Variants in FAR2 observed in about 807,000 individuals in gnomAD.
FAR2 encodes epididymis secretory protein Li 81.
A neutral mutation model predicts 56.0 loss-of-function variants in FAR2; 19 were observed. That is an observed-to-expected ratio of 0.34 (90% confidence interval 0.24 to 0.50). The LOEUF (loss-of-function observed/expected upper bound fraction) is 0.50. FAR2 is among the 20% of genes least tolerant of loss of function. The pLI, the probability that FAR2 is intolerant of heterozygous loss-of-function variation, is 0.98. For synonymous variants in FAR2, 219 were observed against 218.8 expected (o/e 1.00, Z -0.01); for missense variants, 508 against 642.2 (o/e 0.79, Z 2.26).
At chr12:29,261,742 C>T (rs1378902628) in intron 1 of FAR2, among the ~76,000 whole-genome samples, 4 of 152,150 alleles carry the variant, frequency 2.6e-5, no homozygotes, top group South Asian at 4.1e-4. Flanking sequence ...GAAAACCTTA[C>T]AGGCCAGGAA....
chr12:29,333,633 C>T lies in FAR2; in HGVS notation c.1387C>T (p.Leu463Phe). The stretch of plus-strand genomic sequence containing the variant: ...TGGTTATGTCTGTCTGTTCCCTAGG[C>T]TCCGAAATATTCACTACCTCTTTAA... Reference protein sequence around the residue: ...IPKAKQRLKRLRNIHYLFNTA... With the variant: ...IPKAKQRLKRFRNIHYLFNTA... Residue 463 changes from leucine (L) to phenylalanine (F), a missense_variant and splice_region_variant, in exon 12 of 12, where the codon CTC becomes TTC. By Grantham distance (22) the Leu-to-Phe change is conservative. Coordinates refer to ENST00000536681, the MANE Select transcript of FAR2 (RefSeq NM_001271783.2). 6.2e-7 allele frequency: 1 copy of T among 1,612,316 alleles called. No individual in the cohort carries two copies. The highest frequency in any genetic ancestry group is 8.5e-7 in the Non-Finnish European group (1 of 1,179,072).
chr12:29,201,260 GTCTTT>G (rs1374448107), intron 1 of FAR2, among the ~76,000 whole-genome samples: 1 of 152,108 alleles, frequency 6.6e-6, no homozygotes, highest in South Asian at 2.1e-4. Context: ...TAGAATTACA[GTCTTT>G]TCTTTAGGTC....
chr12:29,214,965 T>C (rs1035354846), intron 1 of FAR2, among the ~76,000 whole-genome samples: 9 of 152,134 alleles, frequency 5.9e-5, no homozygotes, highest in African/African-American at 2.2e-4. Context: ...AAATTGAAAT[T>C]GTGAGCTGAG....
intron 4 of FAR2, among the ~76,000 whole-genome samples, chr12:29,298,662 G>A (rs1949110773): frequency 1.3e-5 from 2 of 152,176 alleles, no homozygotes; most frequent in Admixed American, 6.5e-5. Flanking sequence ...TGTATTCTGA[G>A]GCCCAAAGTC....
At chr12:29,269,298 C>T (rs895380579) in intron 1 of FAR2, among the ~76,000 whole-genome samples, 1 of 152,162 alleles carries the variant, frequency 6.6e-6, no homozygotes, top group Non-Finnish European at 1.5e-5. Context: ...CAATATTTCT[C>T]CCATTTGCTT....
intron 9 of FAR2, 32 bp downstream of exon 9, chr12:29,317,044 T>A: frequency 6.3e-7 from 1 of 1,595,908 alleles, no homozygotes; most frequent in Non-Finnish European, 8.5e-7. Flanking sequence ...TTTGAGAGTG[T>A]CACTGCATGG....
intron 6 of FAR2, chr12:29,309,815 T>C (rs1949317186): frequency 6.6e-6 from 1 of 152,616 alleles, no homozygotes; most frequent in Non-Finnish European, 1.5e-5. Context: ...TTAGTGCGCA[T>C]CTGCCCGAAG....
At chr12:29,276,917 C>G (rs1399012154) in intron 2 of FAR2, among the ~76,000 whole-genome samples, 1 of 151,080 alleles carries the variant, frequency 6.6e-6, no homozygotes, top group Non-Finnish European at 1.5e-5. Context: ...GCACTCCAGC[C>G]TGGGCAACAG....
intron 1 of FAR2, among the ~76,000 whole-genome samples, chr12:29,191,990 T>C (rs1950106577): frequency 6.6e-6 from 1 of 152,358 alleles, no homozygotes; most frequent in South Asian, 2.1e-4. Flanking sequence ...CTCTTACTTA[T>C]CAGAAAGTCA....
chr12:29,173,769 C>G (rs1211135720), intron 1 of FAR2, among the ~76,000 whole-genome samples: 1 of 152,126 alleles, frequency 6.6e-6, no homozygotes, highest in East Asian at 1.9e-4. Context: ...CCCCCCTACC[C>G]AAGAACCCGC....
chr12:29,269,560 A>G (rs1056502589), intron 1 of FAR2, among the ~76,000 whole-genome samples: 3 of 152,248 alleles, frequency 2.0e-5, no homozygotes, highest in African/African-American at 7.2e-5. Flanking sequence ...ATAGGAAATC[A>G]CCAGGGTATT....
rs377604506 is a variant in FAR2 at position 29,333,678 on chromosome 12, G to A, written c.1432G>A (p.Ala478Thr). The change falls in exon 12 of 12, where the codon GCC becomes ACC. Residue 478 changes from alanine (A) to threonine (T), a missense_variant. Coordinates refer to ENST00000536681, the MANE Select transcript of FAR2 (RefSeq NM_001271783.2). ...YLFNTALFLI[A>T]WRLLIARSQM... ...CTTTAATACTGCCCTCTTCCTTATC[G>A]CCTGGCGCCTTCTCATTGCAAGATC... The A allele has an allele frequency of 1.9e-5, 31 of 1,613,638 alleles. No individual in the cohort carries two copies. Among genetic ancestry groups the A allele is most frequent in the Middle Eastern group, 1.6e-4 (1 of 6,062 alleles).
At chr12:29,326,668 T>C (rs977918611) in intron 10 of FAR2, among the ~76,000 whole-genome samples, 4 of 152,318 alleles carry the variant, frequency 2.6e-5, no homozygotes, top group Admixed American at 6.5e-5. Context: ...ATTAGCTCAA[T>C]AGACGGAGAA....
At chr12:29,264,660 G>GAGA (rs139358633) in intron 1 of FAR2, among the ~76,000 whole-genome samples, 1 of 89,324 alleles carries the variant, frequency 1.1e-5, no homozygotes, top group South Asian at 3.5e-4. Context: ...AATAAATAAA[G>GAGA]GAGAGAGAGA....
chr12:29,286,852 T>C (rs1374747313), intron 2 of FAR2, among the ~76,000 whole-genome samples: 1 of 152,274 alleles, frequency 6.6e-6, no homozygotes, highest in Non-Finnish European at 1.5e-5. Context: ...TTCTCTGAGG[T>C]CACAGAATAC....
At chr12:29,212,520 G>T (rs1431688519) in intron 1 of FAR2, among the ~76,000 whole-genome samples, 1 of 151,864 alleles carries the variant, frequency 6.6e-6, no homozygotes, top group African/African-American at 2.4e-5. Context: ...CTATCATTTG[G>T]CATAATTACT....
chr12:29,204,128 G>A (rs966485786), intron 1 of FAR2, among the ~76,000 whole-genome samples: 30 of 151,522 alleles, frequency 2.0e-4, no homozygotes, highest in African/African-American at 7.0e-4. Flanking sequence ...CAGTCAACTT[G>A]CAGCAACTTT....
intron 1 of FAR2, among the ~76,000 whole-genome samples, chr12:29,249,279 T>G (rs984992199): frequency 6.6e-6 from 1 of 152,230 alleles, no homozygotes; most frequent in Non-Finnish European, 1.5e-5. Flanking sequence ...TCTTCTGCCA[T>G]GGCTTCAGCC....
chr12:29,296,826 C>T (rs1287179874), intron 3 of FAR2, among the ~76,000 whole-genome samples, 195 bp from the exon 4 acceptor site: 4 of 152,130 alleles, frequency 2.6e-5, no homozygotes, highest in Non-Finnish European at 5.9e-5. Flanking sequence ...TTTATGTGCA[C>T]AAAACACATC....
Sources: gnomAD v4.1 joint callset for allele counts (sites outside exome capture counted in the v4.1 genomes callset) on GRCh38, gnomAD v4.1.1 for gene constraint, MANE v1.5 for transcripts, NCBI Gene and HGNC (gene_info 2026-07-23, HGNC 2026-07-21) for gene names.